Variants in EIPR1 observed in about 807,000 individuals in gnomAD.
EIPR1 encodes EARP and GARP complex-interacting protein 1.
In EIPR1, 25 loss-of-function variants were observed where a neutral mutation model predicts 48.1. That is an observed-to-expected ratio of 0.52 (90% CI 0.38 to 0.73). The LOEUF (loss-of-function observed/expected upper bound fraction) is 0.73. EIPR1 is among the 30% of genes least tolerant of loss of function. EIPR1 has a pLI of 0.00. For missense variants in EIPR1, 415 were observed against 506.2 expected, an observed-to-expected ratio of 0.82 and a Z score of 1.73; for synonymous variants, 204 against 201.9, an observed-to-expected ratio of 1.01 and a Z score of -0.09.
At chr2:3,281,686 ATT>A (rs1558270606) in intron 3 of EIPR1, among the ~76,000 whole-genome samples, 1 of 152,226 alleles carries the variant, frequency 6.6e-6, no homozygotes, top group Non-Finnish European at 1.5e-5. Flanking sequence ...ATTGACATTC[ATT>A]ATGTTACAAT....
intron 1 of EIPR1, among the ~76,000 whole-genome samples, chr2:3,374,649 T>G (rs1659813199): frequency 1.3e-5 from 2 of 151,218 alleles, no homozygotes; most frequent in African/African-American, 2.4e-5. Flanking sequence ...TCACTGGCCA[T>G]CAGAGAAATG....
chr2:3,299,825 T>C (rs1257274885), intron 3 of EIPR1, among the ~76,000 whole-genome samples: 2 of 152,162 alleles, frequency 1.3e-5, no homozygotes, highest in South Asian at 2.1e-4. Context: ...CTTGGTTCTC[T>C]AGGCAGTGAG....
chr2:3,189,055 C>T lies in EIPR1; in HGVS notation c.*279G>A, dbSNP rs11554330. ...CAGGAACAGACATTTTTTTAAAAAG[C>T]GAAACTCCTGACACCCTTAAAACAG... On this transcript the variant is annotated 3_prime_UTR_variant, in exon 9 of 9. Coordinates refer to ENST00000382125, the MANE Select transcript of EIPR1 (RefSeq NM_003310.5). This position sits in a 1 kb window ranked among gnomAD's most constrained non-coding sequence, Gnocchi z 4.6. 2.0e-3 allele frequency: 617 copies of T among 304,616 alleles called. 4 individuals carry two copies. Among genetic ancestry groups the T allele is most frequent in the African/African-American group, 0.012 (568 of 46,702 alleles). 18.9% of individuals were successfully genotyped at this position (304,616 alleles called of 1,614,324 possible). A position where few individuals can be genotyped will look rare whatever the true frequency, so the allele number is the denominator to read the frequency against.
At chr2:3,294,616 C>CCCTG (rs1668477118) in intron 3 of EIPR1, among the ~76,000 whole-genome samples, 1 of 129,186 alleles carries the variant, frequency 7.7e-6, no homozygotes, top group Non-Finnish European at 1.6e-5. Context: ...CATCCTCTCT[C>CCCTG]CACACACACC....
chr2:3,325,638 A>C (rs7570426), intron 3 of EIPR1, among the ~76,000 whole-genome samples: 26,973 of 152,166 alleles, frequency 0.18, 4,098 homozygotes, highest in East Asian at 0.57. Context: ...CTACTGTGAC[A>C]GCATCCTTTA....
intron 5 of EIPR1, chr2:3,208,620 T>C (rs966826041): frequency 6.4e-7 from 1 of 1,550,646 alleles, no homozygotes; most frequent in Non-Finnish European, 8.7e-7. Context: ...TTGAATGAAT[T>C]TGGCCATGGC....
intron 3 of EIPR1, among the ~76,000 whole-genome samples, chr2:3,315,185 C>T (rs199628987): frequency 0.038 from 52 of 1,378 alleles, 2 homozygotes; most frequent in African/African-American, 0.062. Flanking sequence ...CCTACCACCA[C>T]CATCACCACC....
intron 5 of EIPR1, among the ~76,000 whole-genome samples, chr2:3,198,366 G>C (rs928008914): frequency 6.6e-6 from 1 of 152,202 alleles, no homozygotes; most frequent in African/African-American, 2.4e-5. Context: ...GTCAGAAGCC[G>C]AGAAAGGCGG....
chr2:3,356,034 G>A (rs1670718087), intron 1 of EIPR1, among the ~76,000 whole-genome samples: 1 of 152,222 alleles, frequency 6.6e-6, no homozygotes, highest in South Asian at 2.1e-4. Flanking sequence ...CCATGTTGGG[G>A]TGAAGGAGGA....
intron 3 of EIPR1, among the ~76,000 whole-genome samples, chr2:3,300,178 C>T (rs1319268971): frequency 6.6e-6 from 1 of 152,182 alleles, no homozygotes; most frequent in East Asian, 1.9e-4. Context: ...TTTAACCTCC[C>T]AGTTTTCACA....
intron 1 of EIPR1, among the ~76,000 whole-genome samples, chr2:3,359,549 G>A (rs938645361): frequency 2.0e-5 from 3 of 152,236 alleles, no homozygotes; most frequent in Non-Finnish European, 4.4e-5. Context: ...AAAAAAAATG[G>A]AAGTGGAGAA....
intron 3 of EIPR1, among the ~76,000 whole-genome samples, chr2:3,267,928 C>T (rs767450723): frequency 3.3e-5 from 5 of 152,220 alleles, no homozygotes; most frequent in African/African-American, 7.2e-5. Flanking sequence ...GTGCTGAAGG[C>T]GCCCTGCAGA....
chr2:3,283,074 G>A (rs956289918), intron 3 of EIPR1, among the ~76,000 whole-genome samples: 2 of 152,080 alleles, frequency 1.3e-5, no homozygotes, highest in African/African-American at 4.8e-5. Context: ...ACCCAATTTA[G>A]TCTTCCCTGT....
At chr2:3,223,490 CCT>C (rs1241801161) in intron 4 of EIPR1, among the ~76,000 whole-genome samples, 1 of 152,178 alleles carries the variant, frequency 6.6e-6, no homozygotes, top group Non-Finnish European at 1.5e-5. Flanking sequence ...CATCCCGCCC[CCT>C]CTGAGTATGT....
intron 1 of EIPR1, among the ~76,000 whole-genome samples, chr2:3,358,939 T>C (rs2103381297): frequency 6.6e-6 from 1 of 152,316 alleles, no homozygotes; most frequent in South Asian, 2.1e-4. Flanking sequence ...AAGGGAATGA[T>C]TATTTTCCAC....
intron 4 of EIPR1, among the ~76,000 whole-genome samples, chr2:3,226,578 G>A (rs189094662): frequency 6.5e-4 from 99 of 152,256 alleles, no homozygotes; most frequent in African/African-American, 1.9e-3. Context: ...TCATTTTGCC[G>A]ATGTTTCTTT....
chr2:3,269,247 T>C (rs1667593251), intron 3 of EIPR1, among the ~76,000 whole-genome samples: 1 of 150,030 alleles, frequency 6.7e-6, no homozygotes, highest in African/African-American at 2.5e-5. Flanking sequence ...GTCATCGCAC[T>C]CAGTCATCGC....
chr2:3,321,116 C>A (rs753209965), intron 3 of EIPR1, among the ~76,000 whole-genome samples: 1 of 152,166 alleles, frequency 6.6e-6, no homozygotes, highest in Non-Finnish European at 1.5e-5. Context: ...CGCAGCCTCC[C>A]GGCCCAGGGA....
In EIPR1 at chr2:3,197,021, G is replaced by T; in HGVS notation, c.517-4C>A. On this transcript the variant is annotated splice_region_variant and splice_polypyrimidine_tract_variant and intron_variant, in intron 5 of 8. Transcript: ENST00000382125. ...CCAGGGACGCTGAGCTGGCCAGCTG[G>T]GAGTGTCACGATGTTTTCCAAAGGA... 1 of 1,613,320 alleles carries T rather than the reference G, an allele frequency of 6.2e-7. No homozygotes were observed.
Sources: allele counts gnomAD v4.1 joint callset (sites outside exome capture counted in the v4.1 genomes callset), GRCh38; gene constraint gnomAD v4.1.1; non-coding constraint Gnocchi (gnomAD v3.1); transcripts MANE v1.5; gene names NCBI Gene and HGNC (gene_info 2026-07-23, HGNC 2026-07-21).